Variants in COL25A1 observed in about 807,000 individuals in gnomAD.
COL25A1 encodes the protein collagen alpha-1(XXV) chain.
A neutral mutation model predicts 128.4 loss-of-function variants in COL25A1; 103 were observed. That is an observed-to-expected ratio of 0.80 (90% CI 0.68 to 0.94). COL25A1 has a LOEUF of 0.94. Ranked by LOEUF, COL25A1 falls within the 40% of genes least tolerant of loss-of-function variation. COL25A1 has a pLI of 0.00. For missense variants in COL25A1, 745 were observed against 840.0 expected (o/e 0.89, Z 1.40); for synonymous variants, 279 against 277.2 (o/e 1.01, Z -0.06).
Position 108,884,897 on chromosome 4 carries a change from T to C in COL25A1, c.976-675A>G, listed in dbSNP as rs556166898. ...AAGTAGTACATTTTGGGTGAGCATA[T>C]TGGAGTCAAGCTTAACCTTCTCATT... On this transcript the variant is annotated intron_variant, in intron 18 of 37. Transcript: ENST00000399132. Among the ~76,000 whole-genome samples the C allele has an allele frequency of 1.2e-4, 18 of 152,302 alleles. 1 individual carries two copies. Among genetic ancestry groups the C allele is most frequent in the Admixed American group, 1.1e-3 (17 of 15,292 alleles).
At chr4:109,195,105 A>G (rs1775918874) in intron 3 of COL25A1, among the ~76,000 whole-genome samples, 1 of 152,150 alleles carries the variant, frequency 6.6e-6, no homozygotes, top group Non-Finnish European at 1.5e-5. Context: ...AGGTACCCAC[A>G]AAAATTTTTA....
chr4:109,019,072 G>C (rs1757461586), intron 5 of COL25A1, among the ~76,000 whole-genome samples: 1 of 152,114 alleles, frequency 6.6e-6, no homozygotes, highest in African/African-American at 2.4e-5. Flanking sequence ...TAACATTTGA[G>C]TCAGTGGGCT....
chr4:109,126,903 A>T, intron 3 of COL25A1, among the ~76,000 whole-genome samples: 1 of 152,158 alleles, frequency 6.6e-6, no homozygotes, highest in East Asian at 1.9e-4. Flanking sequence ...AACTTAAAGT[A>T]TAATAATAAA....
intron 8 of COL25A1, among the ~76,000 whole-genome samples, chr4:108,941,902 G>A (rs1748150098): frequency 6.6e-6 from 1 of 152,142 alleles, no homozygotes; most frequent in African/African-American, 2.4e-5. Flanking sequence ...TAATTGACTG[G>A]AAAAATATTA....
intron 8 of COL25A1, among the ~76,000 whole-genome samples, 154 bp downstream of exon 8, chr4:108,974,213 T>G (rs564233761): frequency 6.6e-6 from 1 of 152,314 alleles, no homozygotes; most frequent in Admixed American, 6.5e-5. Flanking sequence ...AAATCGTTAA[T>G]CAGGTTTTTT....
chr4:109,243,078 T>C (rs1780011464), intron 3 of COL25A1, among the ~76,000 whole-genome samples: 1 of 152,148 alleles, frequency 6.6e-6, no homozygotes, highest in South Asian at 2.1e-4. Flanking sequence ...TATAAAATTT[T>C]TGAAAAGCTT....
At chr4:109,121,976 C>T (rs953586723) in intron 3 of COL25A1, among the ~76,000 whole-genome samples, 2 of 152,028 alleles carry the variant, frequency 1.3e-5, no homozygotes, top group Non-Finnish European at 2.9e-5. Context: ...CATGAACAGA[C>T]ATGGATGAAA....
intron 3 of COL25A1, among the ~76,000 whole-genome samples, chr4:109,084,711 C>T (rs995314570): frequency 6.6e-6 from 1 of 152,086 alleles, no homozygotes; most frequent in Admixed American, 6.5e-5. Context: ...TTCTGTGGGC[C>T]CAGCATGATT....
intron 6 of COL25A1, among the ~76,000 whole-genome samples, chr4:108,987,230 A>C (rs1051369227): frequency 1.3e-5 from 2 of 152,156 alleles, no homozygotes; most frequent in African/African-American, 4.8e-5. Context: ...CCTCTCCTCC[A>C]GCCTGTCTTC....
intron 3 of COL25A1, among the ~76,000 whole-genome samples, chr4:109,254,006 G>A (rs1245588332): frequency 2.0e-5 from 3 of 150,996 alleles, no homozygotes; most frequent in South Asian, 2.1e-4. Flanking sequence ...AGAATGGCGC[G>A]AACCCAGGAG....
chr4:108,846,022 T>G, intron 28 of COL25A1, 117 bp downstream of exon 28: 32 of 641,990 alleles, frequency 5.0e-5, no homozygotes, highest in East Asian at 8.7e-5. Context: ...AATAAAAATA[T>G]GAGATGAACC....
intron 27 of COL25A1, among the ~76,000 whole-genome samples, chr4:108,846,675 A>T (rs1440666037): frequency 6.6e-6 from 1 of 152,162 alleles, no homozygotes; most frequent in Non-Finnish European, 1.5e-5. Context: ...CAGAAGTTCC[A>T]GTCACAATGA....
chr4:108,967,532 T>C (rs1296018551), intron 8 of COL25A1, among the ~76,000 whole-genome samples: 2 of 152,190 alleles, frequency 1.3e-5, no homozygotes, highest in South Asian at 2.1e-4. Flanking sequence ...TTTTTTCATA[T>C]ACTACTTTAT....
chr4:109,149,780 T>C (rs1013333105), intron 3 of COL25A1, among the ~76,000 whole-genome samples: 1 of 152,120 alleles, frequency 6.6e-6, no homozygotes, highest in African/African-American at 2.4e-5. Context: ...ATATATATTA[T>C]AGATATGAAA....
At chr4:108,848,830 C>G (rs1162019002) in intron 26 of COL25A1, 27 bp from the exon 27 acceptor site, 1 of 1,581,962 alleles carries the variant, frequency 6.3e-7, no homozygotes, top group Non-Finnish European at 8.7e-7. Context: ...AGATGACTTG[C>G]CTCCATTCTC....
rs184907070 is a variant in COL25A1 at position 109,174,941 on chromosome 4, T to C, written c.368-124762A>G. The stretch of plus-strand genomic sequence containing the variant: ...CCTTCTGTCAGATCAGCAGTGGTAG[T>C]AGATTCTCATAGGAACATGAACCCT... On this transcript the variant is annotated intron_variant, in intron 3 of 37. Coordinates refer to ENST00000399132, the MANE Select transcript of COL25A1 (RefSeq NM_198721.4). 3.9e-5 allele frequency among the ~76,000 whole-genome samples: 6 copies of C among 152,300 alleles called. No individual in the cohort carries two copies. The East Asian group carries it at 5.8e-4, about 15-fold the overall frequency.
At chr4:108,922,926 T>C (rs944394047) in intron 11 of COL25A1, among the ~76,000 whole-genome samples, 1 of 152,078 alleles carries the variant, frequency 6.6e-6, no homozygotes, top group South Asian at 2.1e-4. Flanking sequence ...GCAGGAAAAA[T>C]GGTAGGGATC....
chr4:109,289,004 C>CAT (rs199651407), intron 3 of COL25A1, among the ~76,000 whole-genome samples: 4 of 106,936 alleles, frequency 3.7e-5, no homozygotes, highest in Admixed American at 9.1e-5. Context: ...CACACACACA[C>CAT]ATATATATAC....
chr4:108,937,360 A>G (rs555876820), intron 11 of COL25A1, among the ~76,000 whole-genome samples: 1 of 152,188 alleles, frequency 6.6e-6, no homozygotes, highest in African/African-American at 2.4e-5. Context: ...ATGACAGAGA[A>G]CCAAAAGGCA....
Sources: allele counts gnomAD v4.1 joint callset (sites outside exome capture counted in the v4.1 genomes callset), GRCh38; gene constraint gnomAD v4.1.1; transcripts MANE v1.5; gene names NCBI Gene and HGNC (gene_info 2026-07-23, HGNC 2026-07-21).